The following GRM8 variants were observed in gnomAD, a reference collection of about 807,000 sequenced individuals.
The protein encoded by GRM8 is glutamate metabotropic receptor 8.
Under a neutral mutation model 87.2 loss-of-function variants are expected in GRM8, and 47 were observed. That is an observed-to-expected ratio of 0.54 (90% CI 0.43 to 0.69). The LOEUF is 0.69. GRM8 is among the 30% of genes least tolerant of loss of function. The pLI is 0.00. For synonymous variants in GRM8, 396 were observed against 404.5 expected (o/e 0.98, Z 0.25); for missense variants, 1,019 against 1,139.2 (o/e 0.89, Z 1.52).
At chr7:126,439,228 A>G in intron 10 of GRM8, 60 bp from the exon 11 acceptor site, 1 of 954,568 alleles carries the variant, frequency 1.0e-6, no homozygotes, top group Non-Finnish European at 1.7e-6. Context: ...TTTTGTTAAT[A>G]TGATTTTAAA....
At chr7:127,159,532 T>A (rs1792959957) in intron 2 of GRM8, among the ~76,000 whole-genome samples, 1 of 151,398 alleles carries the variant, frequency 6.6e-6, no homozygotes, top group African/African-American at 2.4e-5. Context: ...CATGCTGGAA[T>A]AAATACATGG....
intron 7 of GRM8, among the ~76,000 whole-genome samples, chr7:126,669,294 C>T (rs1806132079): frequency 6.6e-6 from 1 of 151,670 alleles, no homozygotes; most frequent in Non-Finnish European, 1.5e-5. Context: ...TGTAACAAAC[C>T]TACACATTCT....
chr7:127,203,516 T>C (rs1186163378), intron 2 of GRM8, among the ~76,000 whole-genome samples: 1 of 152,172 alleles, frequency 6.6e-6, no homozygotes, highest in African/African-American at 2.4e-5. Context: ...GAGACTCACC[T>C]GGCCAACATG....
chr7:126,606,482 G>C (rs1046266736), intron 8 of GRM8, among the ~76,000 whole-genome samples: 3 of 152,056 alleles, frequency 2.0e-5, no homozygotes, highest in Non-Finnish European at 4.4e-5. Flanking sequence ...AATTTGTTTA[G>C]TGCTTTGCCA....
chr7:126,781,409 T>C (rs1359386219), intron 6 of GRM8, among the ~76,000 whole-genome samples: 1 of 152,200 alleles, frequency 6.6e-6, no homozygotes, highest in Non-Finnish European at 1.5e-5. Context: ...AGAGATGGCA[T>C]CAGAATTGTT....
intron 2 of GRM8, among the ~76,000 whole-genome samples, chr7:127,176,629 T>C (rs565717399): frequency 6.6e-6 from 1 of 152,326 alleles, no homozygotes; most frequent in South Asian, 2.1e-4. Context: ...CTGCAGGACC[T>C]GGGAGACACC....
In GRM8 at chr7:127,063,228, G is replaced by A. The variant is rs540735536; in HGVS notation, c.727+43268C>T. Reference sequence around the variant, plus strand: ...AGATCACGCCACTGCACTCCAGCCCGGATGACAGAGTGAGACTCCATCAAA... The same window carrying A: ...AGATCACGCCACTGCACTCCAGCCCAGATGACAGAGTGAGACTCCATCAAA... On this transcript the variant is annotated intron_variant, in intron 3 of 10. Coordinates refer to ENST00000339582, the MANE Select transcript of GRM8 (RefSeq NM_000845.3). Among the ~76,000 whole-genome samples, 25 of 150,470 alleles carry A rather than the reference G, an allele frequency of 1.7e-4. No homozygotes were observed. In the East Asian group the frequency reaches 2.5e-3, roughly 15 times the overall value.
intron 2 of GRM8, among the ~76,000 whole-genome samples, chr7:127,139,431 A>G (rs1828135838): frequency 6.6e-6 from 1 of 152,164 alleles, no homozygotes. Context: ...CCATGAAAGC[A>G]AAAATCTCAG....
chr7:127,006,712 C>A (rs1301997669), intron 3 of GRM8, among the ~76,000 whole-genome samples: 1 of 151,964 alleles, frequency 6.6e-6, no homozygotes, highest in Non-Finnish European at 1.5e-5. Context: ...TCCTCAGTTT[C>A]CATTGCTGGA....
At chr7:126,858,546 A>C (rs1797880485) in intron 6 of GRM8, among the ~76,000 whole-genome samples, 1 of 152,184 alleles carries the variant, frequency 6.6e-6, no homozygotes, top group South Asian at 2.1e-4. Flanking sequence ...TAAAGGGCTA[A>C]AAGATAAAAA....
intron 3 of GRM8, among the ~76,000 whole-genome samples, chr7:127,093,369 C>T (rs1012156676): frequency 7.2e-5 from 11 of 152,086 alleles, no homozygotes; most frequent in African/African-American, 9.7e-5. Flanking sequence ...TATCAGCTCA[C>T]GTGAATAATT....
intron 7 of GRM8, among the ~76,000 whole-genome samples, chr7:126,640,847 C>G (rs1291919573): frequency 6.6e-6 from 1 of 151,622 alleles, no homozygotes; most frequent in Non-Finnish European, 1.5e-5. Context: ...GAAGAGCGTC[C>G]CTATCTGAAT....
At chr7:126,867,371 GAAA>G (rs1346706624) in intron 6 of GRM8, among the ~76,000 whole-genome samples, 1 of 152,164 alleles carries the variant, frequency 6.6e-6, no homozygotes, top group Admixed American at 6.5e-5. Flanking sequence ...TACAAGAAAA[GAAA>G]AAAAGTAGTA....
At chr7:126,626,832 C>A (rs1418838709) in intron 7 of GRM8, among the ~76,000 whole-genome samples, 1 of 152,108 alleles carries the variant, frequency 6.6e-6, no homozygotes, top group African/African-American at 2.4e-5. Context: ...CCAGCCTGGG[C>A]AACAAAGTGA....
At chr7:126,574,543 G>T (rs1178188709) in intron 8 of GRM8, among the ~76,000 whole-genome samples, 1 of 152,046 alleles carries the variant, frequency 6.6e-6, no homozygotes, top group African/African-American at 2.4e-5. Context: ...CCTATTATAC[G>T]GTCAGTGATG....
chr7:126,841,880 C>A (rs1043006599), intron 6 of GRM8, among the ~76,000 whole-genome samples: 29 of 152,030 alleles, frequency 1.9e-4, no homozygotes, highest in African/African-American at 6.8e-4. Flanking sequence ...TATCTGCCCG[C>A]CTCGGCCTCC....
intron 2 of GRM8, among the ~76,000 whole-genome samples, chr7:127,196,647 CTA>C (rs773128028): frequency 7.9e-5 from 12 of 152,120 alleles, no homozygotes; most frequent in Non-Finnish European, 1.6e-4. Flanking sequence ...ATAATTATCT[CTA>C]GTCTTGCCAA....
chr7:126,592,053 T>C (rs954055423), intron 8 of GRM8, among the ~76,000 whole-genome samples: 1 of 150,538 alleles, frequency 6.6e-6, no homozygotes, highest in Non-Finnish European at 1.5e-5. Flanking sequence ...ACCAGACTAT[T>C]AAAAAATAGA....
At chr7:126,626,203 T>C (rs927650106) in intron 7 of GRM8, among the ~76,000 whole-genome samples, 2 of 151,952 alleles carry the variant, frequency 1.3e-5, no homozygotes, top group African/African-American at 4.8e-5. Context: ...ATTGTGTTGG[T>C]GGAAAAAGAA....
Sources: allele counts gnomAD v4.1 joint callset (sites outside exome capture counted in the v4.1 genomes callset), GRCh38; gene constraint gnomAD v4.1.1; transcripts MANE v1.5; gene names NCBI Gene and HGNC (gene_info 2026-07-23, HGNC 2026-07-21).